LMBRD2: variants seen among roughly 807,000 people sequenced by gnomAD.
LMBRD2 encodes the protein G protein-coupled receptor-associated protein LMBRD2.
LMBRD2 carries 55 observed loss-of-function variants against 94.4 expected under a neutral mutation model. The ratio of observed to expected loss-of-function variants is 0.58; its 90% CI spans 0.47 to 0.73. LMBRD2 has a LOEUF of 0.73. LMBRD2 is among the 30% of genes least tolerant of loss of function. The pLI is 0.00. For synonymous variants in LMBRD2, 246 were observed against 272.4 expected, an observed-to-expected ratio of 0.90 and a Z score of 0.95; for missense variants, 640 against 831.9, an observed-to-expected ratio of 0.77 and a Z score of 2.84.
In LMBRD2 at chr5:36,108,658, T is replaced by TA; in HGVS notation, c.1792-20dup. On this transcript the variant is annotated intron_variant, in intron 15 of 17. Coordinates refer to ENST00000296603, the MANE Select transcript of LMBRD2 (RefSeq NM_001007527.2). ...TCCATTCCTAGAAAAGAAGCACAAA[T>TA]AATCATATAATAGAACAGAAAATAA... 1.7e-6 allele frequency: 2 copies of TA among 1,183,056 alleles called. No individual in the cohort carries two copies. Among genetic ancestry groups the TA allele is most frequent in the Non-Finnish European group, 2.4e-6 (2 of 824,954 alleles). 73.3% of individuals were successfully genotyped at this position (1,183,056 alleles called of 1,614,324 possible). A position where few individuals can be genotyped will look rare whatever the true frequency, so the allele number is the denominator to read the frequency against.
chr5:36,149,705 G>A (rs1305206547), intron 1 of LMBRD2, among the ~76,000 whole-genome samples: 1 of 152,124 alleles, frequency 6.6e-6, no homozygotes, highest in African/African-American at 2.4e-5. Context: ...TCGGGAGTTC[G>A]AGACCAGCCT....
At chr5:36,124,167 A>C in intron 7 of LMBRD2, 24 bp downstream of exon 7, 2 of 1,371,712 alleles carry the variant, frequency 1.5e-6, no homozygotes, top group Non-Finnish European at 2.1e-6. Flanking sequence ...TTTCAAAAGG[A>C]AACAGACAAG....
Position 36,142,552 on chromosome 5 carries a change from A to C in LMBRD2, c.222T>G (p.Pro74=), listed in dbSNP as rs764049415. The change falls in exon 3 of 18, where the codon CCT becomes CCG. Residue 74 remains proline (P), a synonymous_variant. Coordinates refer to ENST00000296603, the MANE Select transcript of LMBRD2 (RefSeq NM_001007527.2). ...ACAATCCTGTAATGTTGCTATTCTC[A>C]GGAGGGCTTGAATTTGCAGCAGCAT... ...CKHAAANSSP[P]ENSNITGLYA... is the part of the protein sequence containing the mutation. The C allele has an allele frequency of 1.9e-6, 3 of 1,611,970 alleles. No individual in the cohort carries two copies. The South Asian group carries it at 3.3e-5, about 18-fold the overall frequency.
chr5:36,106,795 C>T (rs764429948), intron 16 of LMBRD2, among the ~76,000 whole-genome samples: 3 of 152,034 alleles, frequency 2.0e-5, no homozygotes, highest in Admixed American at 2.0e-4. Flanking sequence ...CGCCTGGCCC[C>T]AAATCCAAAC....
chr5:36,115,512 CA>C (rs1460045307), intron 11 of LMBRD2, among the ~76,000 whole-genome samples: 1 of 152,176 alleles, frequency 6.6e-6, no homozygotes, highest in Non-Finnish European at 1.5e-5. Context: ...GTTGTATCAA[CA>C]TATGTCATTC....
Position 36,108,612 on chromosome 5 carries a change from T to C in LMBRD2, c.1819A>G (p.Arg607Gly). The change falls in exon 16 of 18, where the codon AGA becomes GGA. Residue 607 changes from arginine (R) to glycine (G), a missense_variant. Physicochemically the swap from Arg to Gly is moderately radical, Grantham distance 125. Around this residue, in one of 2 missense-constraint regions of LMBRD2, gnomAD observed 183 missense variants for 189.1 expected, o/e 0.97. Coordinates refer to ENST00000296603, the MANE Select transcript of LMBRD2 (RefSeq NM_001007527.2). ...REWKERYGHNREDSTRNRNIH... is the reference protein window; with the variant it reads ...REWKERYGHNGEDSTRNRNIH... ...TTTCTGTTCCTAGTGGAATCTTCTC[T>C]ATTGTGTCCATAACGTTCTTTCCAT... The C allele has an allele frequency of 6.3e-7, 1 of 1,579,976 alleles. No homozygotes were observed. Among genetic ancestry groups the C allele is most frequent in the Non-Finnish European group, 8.6e-7 (1 of 1,156,870 alleles).
At chr5:36,115,855 A>G (rs1743732406) in intron 11 of LMBRD2, among the ~76,000 whole-genome samples, 2 of 152,136 alleles carry the variant, frequency 1.3e-5, no homozygotes, top group Non-Finnish European at 2.9e-5. Context: ...GTTACATAGG[A>G]CTTTTTGTGC....
intron 3 of LMBRD2, 129 bp downstream of exon 3, chr5:36,142,373 G>C: frequency 1.9e-6 from 1 of 533,624 alleles, no homozygotes; most frequent in Non-Finnish European, 3.3e-6. Context: ...GGAAAGAATA[G>C]AGGTGGGGAG....
intron 8 of LMBRD2, 67 bp from the exon 9 acceptor site, chr5:36,122,530 G>T (rs988649499): frequency 2.6e-5 from 34 of 1,324,604 alleles, no homozygotes; most frequent in Middle Eastern, 1.8e-4. Flanking sequence ...TCTCCACTAG[G>T]GAGCATGTTT....
Position 36,099,291 on chromosome 5 carries a change from C to T in LMBRD2, c.*4755G>A, listed in dbSNP as rs988572269. 1 of 152,060 alleles carries T rather than the reference C, an allele frequency of 6.6e-6. No individual in the cohort carries two copies. The highest frequency in any genetic ancestry group is 1.5e-5 in the Non-Finnish European group (1 of 67,968). 9.4% of individuals were successfully genotyped at this position (152,060 alleles called of 1,614,324 possible). On this transcript the variant is annotated 3_prime_UTR_variant, in exon 18 of 18. Transcript: ENST00000296603. ...AAAATTAAATATCAGAAAGTGAGAA[C>T]ATCAATATTAGAGCTCTGTTGTATC...
At chr5:36,123,039 A>G in intron 7 of LMBRD2, 78 bp from the exon 8 acceptor site, 1 of 1,314,862 alleles carries the variant, frequency 7.6e-7, no homozygotes, top group Non-Finnish European at 9.9e-7. Flanking sequence ...AAAATCTTTC[A>G]TTCTTGAGCA....
In LMBRD2 at chr5:36,142,590, T is replaced by A. The variant is rs768908876; in HGVS notation, c.184A>T (p.Asn62Tyr). 6.2e-7 allele frequency: 1 copy of A among 1,601,352 alleles called. No homozygotes were observed. The highest frequency in any genetic ancestry group is 1.7e-5 in the Admixed American group (1 of 59,996). The change falls in exon 3 of 18, where the codon AAC (asparagine) becomes TAC (tyrosine). Residue 62 changes from asparagine to tyrosine, a missense_variant. By Grantham distance (143) the Asn-to-Tyr change is moderately radical. Around this residue, in one of 2 missense-constraint regions of LMBRD2, gnomAD observed 457 missense variants for 642.8 expected, o/e 0.71. Coordinates refer to ENST00000296603, the MANE Select transcript of LMBRD2 (RefSeq NM_001007527.2). ...TTTGCAGCAGCATGCTTGCACCGGT[T>A]GTATATTGTCTAAAGCAACGAATGT... Reference protein sequence around the residue: ...LPLDVSTTIYNRCKHAAANSS... With the variant: ...LPLDVSTTIYYRCKHAAANSS...
chr5:36,112,443 G>A (rs1177901137), intron 13 of LMBRD2, among the ~76,000 whole-genome samples: 1 of 152,028 alleles, frequency 6.6e-6, no homozygotes, highest in Non-Finnish European at 1.5e-5. Context: ...CTAATAGTGT[G>A]GGAATTAGAC....
At chr5:36,108,312 T>C (rs141936937) in intron 16 of LMBRD2, among the ~76,000 whole-genome samples, 11 of 152,192 alleles carry the variant, frequency 7.2e-5, no homozygotes, top group African/African-American at 2.6e-4. Flanking sequence ...CTTAGAACTA[T>C]TCATTTGATG....
chr5:36,150,227 G>A lies in LMBRD2; in HGVS notation c.-58+1329C>T, dbSNP rs1057043119. Among the ~76,000 whole-genome samples, 25 of 152,188 alleles carry A rather than the reference G, an allele frequency of 1.6e-4. 1 individual carries two copies. Among genetic ancestry groups the A allele is most frequent in the Admixed American group, 1.4e-3 (21 of 15,282 alleles). ...CCTGAAGTCCTAGAGAGGATCTTGT[G>A]TTCACTAATTCAGATGTTGCAAGTA... On this transcript the variant is annotated intron_variant, in intron 1 of 17. Coordinates refer to ENST00000296603, the MANE Select transcript of LMBRD2 (RefSeq NM_001007527.2).
chr5:36,142,572 C>T lies in LMBRD2; in HGVS notation c.202G>A (p.Ala68Thr), dbSNP rs968602877. ...TTIYNRCKHA[A>T]ANSSPPENSN... ...TTCTCAGGAGGGCTTGAATTTGCAG[C>T]AGCATGCTTGCACCGGTTGTATATT... Residue 68 changes from alanine (A) to threonine (T), a missense_variant, in exon 3 of 18, where the codon GCT (alanine) becomes ACT (threonine). Transcript: ENST00000296603. 3 of 1,610,310 alleles carry T rather than the reference C, an allele frequency of 1.9e-6. No individual in the cohort carries two copies. Among genetic ancestry groups the T allele is most frequent in the Non-Finnish European group, 2.5e-6 (3 of 1,176,704 alleles).
At chr5:36,119,959 C>G (rs1410967512) in intron 9 of LMBRD2, among the ~76,000 whole-genome samples, 2 of 152,114 alleles carry the variant, frequency 1.3e-5, no homozygotes, top group African/African-American at 2.4e-5. Context: ...TAGAAATTCT[C>G]TATTGTCTTA....
intron 4 of LMBRD2, among the ~76,000 whole-genome samples, chr5:36,139,274 G>A (rs895299585): frequency 7.2e-5 from 11 of 152,196 alleles, no homozygotes; most frequent in African/African-American, 1.4e-4. Flanking sequence ...ACCAGCCCCC[G>A]GCTGCCTCAG....
intron 2 of LMBRD2, chr5:36,142,850 G>A (rs754179199): frequency 2.1e-5 from 8 of 378,856 alleles, no homozygotes; most frequent in Middle Eastern, 7.4e-4. Context: ...TCAGCCTCCC[G>A]AGTAGCTGGG....
Sources: allele counts gnomAD v4.1 joint callset (sites outside exome capture counted in the v4.1 genomes callset), GRCh38; gene constraint gnomAD v4.1.1; regional missense constraint gnomAD v4.1.1; transcripts MANE v1.5; gene names NCBI Gene and HGNC (gene_info 2026-07-23, HGNC 2026-07-21).